Variants in TAOK3 observed in about 807,000 individuals in gnomAD.
The protein encoded by TAOK3 is serine/threonine-protein kinase TAO3.
In TAOK3, 40 loss-of-function variants were observed where a neutral mutation model predicts 120.4. That is an observed-to-expected ratio of 0.33 (90% CI 0.26 to 0.43). The LOEUF (loss-of-function observed/expected upper bound fraction) is 0.43, where lower values mean the gene tolerates loss of function less well. Ranked by LOEUF, TAOK3 falls within the 20% of genes least tolerant of loss-of-function variation. The pLI is 1.00. For missense variants in TAOK3, 821 were observed against 1,112.1 expected, an observed-to-expected ratio of 0.74 and a Z score of 3.72; for synonymous variants, 355 against 387.5, an observed-to-expected ratio of 0.92 and a Z score of 0.99.
intron 1 of TAOK3, among the ~76,000 whole-genome samples, chr12:118,294,981 A>T (rs1018559951): frequency 6.6e-6 from 1 of 152,122 alleles, no homozygotes; most frequent in African/African-American, 2.4e-5. Context: ...GGACGCACTG[A>T]GTTGTATGCT....
intron 3 of TAOK3, among the ~76,000 whole-genome samples, chr12:118,251,794 A>G (rs1199402669): frequency 6.6e-6 from 1 of 151,816 alleles, no homozygotes; most frequent in East Asian, 1.9e-4. Flanking sequence ...AGTCATTCTG[A>G]AACATTAGCA....
intron 8 of TAOK3, among the ~76,000 whole-genome samples, chr12:118,235,093 G>T (rs1416668116): frequency 6.6e-6 from 1 of 152,162 alleles, no homozygotes; most frequent in African/African-American, 2.4e-5. Context: ...AAAGAATAGG[G>T]TGAAAAACTC....
At chr12:118,241,134 A>C (rs1214978573) in intron 5 of TAOK3, among the ~76,000 whole-genome samples, 1 of 150,990 alleles carries the variant, frequency 6.6e-6, no homozygotes, top group East Asian at 1.9e-4. Context: ...TTATATATTT[A>C]TATAGTATGT....
chr12:118,179,602 A>ATAG (rs1253624053), intron 15 of TAOK3, among the ~76,000 whole-genome samples: 2 of 151,984 alleles, frequency 1.3e-5, no homozygotes, highest in African/African-American at 4.8e-5. Flanking sequence ...CATAATAATA[A>ATAG]TAAAAAAAGA....
At chr12:118,322,522 C>G (rs903266776) in intron 1 of TAOK3, among the ~76,000 whole-genome samples, 10 of 151,812 alleles carry the variant, frequency 6.6e-5, no homozygotes, top group African/African-American at 2.2e-4. Flanking sequence ...GCTTTGTGGG[C>G]CACATGGTCT....
At chr12:118,234,211 A>AATT (rs2039912004) in intron 8 of TAOK3, among the ~76,000 whole-genome samples, 2 of 95,066 alleles carry the variant, frequency 2.1e-5, no homozygotes, top group African/African-American at 3.6e-5. Flanking sequence ...TAAAGCAGGA[A>AATT]ATTTTTTTTT....
chr12:118,370,530 T>TA (rs2045866102), intron 1 of TAOK3, among the ~76,000 whole-genome samples: 1 of 152,194 alleles, frequency 6.6e-6, no homozygotes, highest in South Asian at 2.1e-4. Context: ...ACTATTTTCC[T>TA]AAAACCATCA....
intron 3 of TAOK3, among the ~76,000 whole-genome samples, chr12:118,255,009 G>T (rs540186445): frequency 6.6e-6 from 1 of 152,010 alleles, no homozygotes; most frequent in African/African-American, 2.4e-5. Flanking sequence ...TGATCTGCCC[G>T]CCTCAGCCTC....
At chr12:118,347,058 G>A (rs1037099572) in intron 1 of TAOK3, among the ~76,000 whole-genome samples, 2 of 152,058 alleles carry the variant, frequency 1.3e-5, no homozygotes, top group Non-Finnish European at 1.5e-5. Flanking sequence ...GAGTGCGGTG[G>A]CACGATCATG....
intron 1 of TAOK3, among the ~76,000 whole-genome samples, chr12:118,363,662 C>T (rs925322663): frequency 2.6e-5 from 4 of 151,674 alleles, no homozygotes; most frequent in African/African-American, 9.7e-5. Context: ...AGAAATGGAA[C>T]AAAATCCTGA....
chr12:118,213,532 AT>A (rs1190039458), intron 10 of TAOK3, among the ~76,000 whole-genome samples: 1 of 152,212 alleles, frequency 6.6e-6, no homozygotes, highest in African/African-American at 2.4e-5. Context: ...CCAAATAGTT[AT>A]AAAAATGTCA....
At chr12:118,198,899 C>G (rs1477999664) in intron 13 of TAOK3, 152 bp downstream of exon 13, 2 of 740,348 alleles carry the variant, frequency 2.7e-6, no homozygotes, top group Non-Finnish European at 4.6e-6. Flanking sequence ...TCCTTTGTTA[C>G]TTTTTGACTG....
chr12:118,193,180 T>C (rs2037528905), intron 13 of TAOK3, among the ~76,000 whole-genome samples: 1 of 150,974 alleles, frequency 6.6e-6, no homozygotes, highest in Non-Finnish European at 1.5e-5. Context: ...CCTGAGTAGC[T>C]GGGACTACAG....
intron 11 of TAOK3, among the ~76,000 whole-genome samples, chr12:118,209,635 G>A (rs2038517572): frequency 6.6e-6 from 1 of 152,106 alleles, no homozygotes; most frequent in Non-Finnish European, 1.5e-5. Flanking sequence ...CTGGCCTCAG[G>A]TGATCTGCCT....
chr12:118,212,762 T>C (rs1053861803), intron 11 of TAOK3, 152 bp downstream of exon 11: 2 of 541,912 alleles, frequency 3.7e-6, no homozygotes, highest in African/African-American at 3.8e-5. Context: ...AATCTTGCTA[T>C]TTCTATGCCT....
At chr12:118,236,758 T>A (rs74912170) in intron 7 of TAOK3, 1 of 152,190 alleles carries the variant, frequency 6.6e-6, no homozygotes, top group Admixed American at 6.5e-5. Flanking sequence ...TACTTATCTT[T>A]AGTTAGGAGA....
Position 118,356,615 on chromosome 12 carries a change from T to TA in TAOK3, c.-194+16032dup, listed in dbSNP as rs200057376. ...ATGCCCGGCCTCAATTTGGTCACAT[T>TA]AAAAAAAAATGATATGGCCACGTGC... On this transcript the variant is annotated intron_variant, in intron 1 of 20. Transcript: ENST00000392533. Among the ~76,000 whole-genome samples, 506 of 150,262 alleles carry TA rather than the reference T, an allele frequency of 3.4e-3. 4 individuals are homozygous for TA. The highest frequency in any genetic ancestry group is 0.011 in the African/African-American group (433 of 41,040).
chr12:118,188,113 G>C (rs1035123333), intron 14 of TAOK3, among the ~76,000 whole-genome samples: 5 of 152,318 alleles, frequency 3.3e-5, no homozygotes, highest in East Asian at 3.9e-4. Flanking sequence ...CTGTCCCAGA[G>C]GGGGAAAGCC....
chr12:118,199,620 T>C, intron 12 of TAOK3: 1 of 299,976 alleles, frequency 3.3e-6, no homozygotes, highest in Admixed American at 4.5e-5. Context: ...GGAAGACTGC[T>C]GGCCACTAAA....
Sources: gnomAD v4.1 joint callset for allele counts (sites outside exome capture counted in the v4.1 genomes callset) on GRCh38, gnomAD v4.1.1 for gene constraint, MANE v1.5 for transcripts, NCBI Gene and HGNC (gene_info 2026-07-23, HGNC 2026-07-21) for gene names.